Variants in AHCY observed in about 807,000 individuals in gnomAD.
AHCY encodes adenosylhomocysteinase.
Under a neutral mutation model 45.4 loss-of-function variants are expected in AHCY, and 24 were observed. That is an observed-to-expected ratio of 0.53 (90% confidence interval 0.38 to 0.74). The LOEUF is 0.74. AHCY is among the 30% of genes least tolerant of loss of function. The pLI, the probability that AHCY is intolerant of heterozygous loss-of-function variation, is 0.00. For synonymous variants in AHCY, 245 were observed against 235.1 expected (o/e 1.04, Z -0.39); for missense variants, 449 against 594.1 (o/e 0.76, Z 2.54).
intron 1 of AHCY, 139 bp from the exon 2 acceptor site, chr20:34,295,724 A>T: frequency 1.1e-6 from 1 of 872,078 alleles, no homozygotes; most frequent in Non-Finnish European, 1.9e-6. Flanking sequence ...TCTCTCACTC[A>T]TGCAACAAGT....
At chr20:34,232,738 A>C in the AHCY span, among the ~76,000 whole-genome samples, 17 of 152,340 alleles carry the variant, frequency 1.1e-4, no homozygotes, top group South Asian at 3.5e-3. Context: ...ACATGTATGT[A>C]GATGTATGTC....
Position 34,295,456 on chromosome 20 carries a change from C to G in AHCY, c.158G>C (p.Cys53Ser), listed in dbSNP as rs2036545059. The part of the protein sequence containing the change: ...KPLKGARIAG[C>S]LHMTVETAVL... ...GGCCGTCTCCACGGTCATGTGCAGG[C>G]AGCCAGCGATGCGGGCGCCCTTCAG... is the stretch of plus-strand genomic sequence containing the variant. Residue 53 changes from cysteine (C) to serine (S), a missense_variant, in exon 2 of 10, where the codon TGC (cysteine) becomes TCC (serine). Transcript: ENST00000217426. The G allele has an allele frequency of 6.2e-7, 1 of 1,614,162 alleles. No individual in the cohort carries two copies. Among genetic ancestry groups the G allele is most frequent in the Non-Finnish European group, 8.5e-7 (1 of 1,180,046 alleles).
chr20:34,249,691 C>T, the AHCY span, among the ~76,000 whole-genome samples: 3 of 152,096 alleles, frequency 2.0e-5, no homozygotes, highest in Non-Finnish European at 4.4e-5. Context: ...CTAACACTTC[C>T]CCCTCCTCCT....
At chr20:34,278,777 G>C (rs1043296213), downstream of AHCY, among the ~76,000 whole-genome samples, 1 of 152,102 alleles carries the variant, frequency 6.6e-6, no homozygotes, top group African/African-American at 2.4e-5. Context: ...ATGATGTAAA[G>C]ATACATCATA....
downstream of AHCY, among the ~76,000 whole-genome samples, chr20:34,276,264 G>T (rs959267854): frequency 6.6e-6 from 1 of 152,164 alleles, no homozygotes; most frequent in Non-Finnish European, 1.5e-5. Context: ...ACAGAATCAG[G>T]ACTGGGGATA....
the AHCY span, among the ~76,000 whole-genome samples, chr20:34,244,060 A>G: frequency 1.3e-5 from 2 of 152,140 alleles, no homozygotes; most frequent in African/African-American, 2.4e-5. Context: ...GTGAGACTCC[A>G]TCTCAAAACA....
intron 1 of AHCY, chr20:34,302,803 G>A: frequency 9.9e-7 from 1 of 1,012,608 alleles, no homozygotes; most frequent in Non-Finnish European, 1.2e-6. Flanking sequence ...TACACCCTCC[G>A]GGGTGCCCTC....
the AHCY span, chr20:34,260,428 C>T: frequency 6.2e-7 from 1 of 1,614,160 alleles, no homozygotes; most frequent in Non-Finnish European, 8.5e-7. Flanking sequence ...TCTGCTTCTT[C>T]ACTGCCAACA....
At chr20:34,287,055 C>A (rs1321191035) in intron 8 of AHCY, among the ~76,000 whole-genome samples, 1 of 152,106 alleles carries the variant, frequency 6.6e-6, no homozygotes, top group East Asian at 1.9e-4. Context: ...CCAGCTCTTC[C>A]CTTGCCATCC....
intron 1 of AHCY, among the ~76,000 whole-genome samples, chr20:34,296,823 G>A (rs1256544511): frequency 6.6e-6 from 1 of 152,140 alleles, no homozygotes; most frequent in Non-Finnish European, 1.5e-5. Context: ...GGACTCTGTA[G>A]AGAATTTAAT....
chr20:34,267,366 G>A, the AHCY span, among the ~76,000 whole-genome samples: 1 of 147,890 alleles, frequency 6.8e-6, no homozygotes, highest in Non-Finnish European at 1.5e-5. Context: ...TAGAGCAGCA[G>A]CGTCCAATAG....
At chr20:34,262,900 G>A in the AHCY span, 1 of 1,613,886 alleles carries the variant, frequency 6.2e-7, no homozygotes, top group Non-Finnish European at 8.5e-7. Context: ...TAAGGTAAGG[G>A]CAGGGAAGTT....
At chr20:34,248,623 T>C in the AHCY span, among the ~76,000 whole-genome samples, 1 of 152,032 alleles carries the variant, frequency 6.6e-6, no homozygotes, top group Non-Finnish European at 1.5e-5. Flanking sequence ...GGCAACATTG[T>C]GAGACCTCAC....
the AHCY span, among the ~76,000 whole-genome samples, chr20:34,268,247 A>G: frequency 2.0e-5 from 3 of 152,202 alleles, no homozygotes; most frequent in Non-Finnish European, 4.4e-5. Flanking sequence ...CCAGGAAAAG[A>G]AGCAGCAAGC....
the AHCY span, among the ~76,000 whole-genome samples, chr20:34,235,345 C>A: frequency 6.6e-6 from 1 of 152,148 alleles, no homozygotes; most frequent in Non-Finnish European, 1.5e-5. Context: ...GAGGCTGAGG[C>A]AGGACAATCG....
At chr20:34,296,465 C>A (rs1297099231) in intron 1 of AHCY, among the ~76,000 whole-genome samples, 1 of 152,164 alleles carries the variant, frequency 6.6e-6, no homozygotes, top group East Asian at 1.9e-4. Context: ...AATCTACATC[C>A]TCTGGCTTCA....
chr20:34,234,468 T>G, the AHCY span, among the ~76,000 whole-genome samples: 5 of 152,258 alleles, frequency 3.3e-5, no homozygotes, highest in South Asian at 1.0e-3. Flanking sequence ...CAGCTTTCTT[T>G]CTTTCTTTTT....
chr20:34,245,592 T>C, the AHCY span, among the ~76,000 whole-genome samples: 1 of 151,738 alleles, frequency 6.6e-6, no homozygotes, highest in East Asian at 2.0e-4. Context: ...GGTTTCACCA[T>C]ATTGGCCAGG....
the AHCY span, among the ~76,000 whole-genome samples, chr20:34,248,287 C>A: frequency 6.6e-6 from 1 of 152,070 alleles, no homozygotes; most frequent in Non-Finnish European, 1.5e-5. Context: ...GAACTTATGA[C>A]ATCTCAATAT....
Sources: allele counts gnomAD v4.1 joint callset (sites outside exome capture counted in the v4.1 genomes callset), GRCh38; gene constraint gnomAD v4.1.1; transcripts MANE v1.5; gene names NCBI Gene and HGNC (gene_info 2026-07-23, HGNC 2026-07-21).